MPC1: variants seen among roughly 807,000 people sequenced by gnomAD.
MPC1 encodes the protein HSPC040 protein.
A neutral mutation model predicts 13.9 loss-of-function variants in MPC1; 6 were observed. That is an observed-to-expected ratio of 0.43 (90% CI 0.24 to 0.85). The LOEUF (loss-of-function observed/expected upper bound fraction) is 0.85. MPC1 is among the 40% of genes least tolerant of loss of function. The pLI, the probability that MPC1 is intolerant of heterozygous loss-of-function variation, is 0.24. For synonymous variants in MPC1, 47 were observed against 50.5 expected, an observed-to-expected ratio of 0.93 and a Z score of 0.29; for missense variants, 115 against 143.3, an observed-to-expected ratio of 0.80 and a Z score of 1.01.
chr6:166,380,714 C>A (rs866634921), intron 1 of MPC1, among the ~76,000 whole-genome samples: 2 of 151,942 alleles, frequency 1.3e-5, no homozygotes, highest in African/African-American at 4.8e-5. Flanking sequence ...CCGAGGTGGG[C>A]GGATCACCTG....
chr6:166,381,717 C>T lies in MPC1; in HGVS notation c.71+1089G>A, dbSNP rs373054126. The T allele has an allele frequency of 1.3e-4, 88 of 688,914 alleles. No individual in the cohort carries two copies. In the African/African-American group the frequency reaches 1.6e-3, roughly 12 times the overall value. The allele number at this position is 688,914 out of a possible 1,614,324, so 42.7% of individuals were successfully genotyped here. On this transcript the variant is annotated intron_variant, in intron 1 of 4. Coordinates refer to ENST00000360961, the MANE Select transcript of MPC1 (RefSeq NM_016098.4). ...TTTTCAGGCTTTCCAACCGCGAATG[C>T]TCTTTGTTTCTAACTGGAAAGGAGG...
intron 1 of MPC1, among the ~76,000 whole-genome samples, chr6:166,372,153 G>A (rs112691396): frequency 3.9e-4 from 60 of 152,222 alleles, no homozygotes; most frequent in African/African-American, 6.5e-4. Flanking sequence ...AGTCACCTAC[G>A]GCATTGCTCT....
At position 166,365,563 on chromosome 6, in the gene MPC1, TA is replaced by T. The variant is rs1779118539; in HGVS notation, c.306-111del. 1.2e-6 allele frequency: 1 copy of T among 864,450 alleles called. No homozygotes were observed. The highest frequency in any genetic ancestry group is 3.3e-5 in the Admixed American group (1 of 30,734). 53.5% of individuals were successfully genotyped at this position (864,450 alleles called of 1,614,324 possible). A position where few individuals can be genotyped will look rare whatever the true frequency, so the allele number is the denominator to read the frequency against. ...CCTTTACATAACATTTATTTCAACT[TA>T]CAACTTATAAAAACAATAATATAGG... On this transcript the variant is annotated intron_variant, in intron 4 of 4. Transcript: ENST00000360961. The surrounding 1 kb of genome is among the most constrained non-coding windows in gnomAD (Gnocchi z 4.2).
At chr6:166,370,033 C>T in intron 2 of MPC1, 185 bp downstream of exon 2, 1 of 712,608 alleles carries the variant, frequency 1.4e-6, no homozygotes, top group Non-Finnish European at 2.6e-6. Flanking sequence ...AGGAGCATGG[C>T]TGTCACAGAG....
intron 1 of MPC1, among the ~76,000 whole-genome samples, chr6:166,373,812 T>G (rs1489118576): frequency 2.0e-5 from 3 of 152,258 alleles, no homozygotes; most frequent in Admixed American, 2.0e-4. Context: ...TATCTTGTTT[T>G]AATTTGCATT....
At chr6:166,381,506 C>T (rs1017793346) in intron 1 of MPC1, among the ~76,000 whole-genome samples, 3 of 151,998 alleles carry the variant, frequency 2.0e-5, no homozygotes, top group Non-Finnish European at 4.4e-5. Context: ...ACCTCTTGAC[C>T]ACACTATTAA....
rs3049292 is a variant in MPC1, at chr6:166,378,418, ATG to A, written c.71+4386_71+4387del. Reference sequence around the variant, plus strand: ...ATCCTCTGCACACATATACAAATACATGTGTGTGTGTGTGTGTGTGTGTGTAT... The same window carrying A: ...ATCCTCTGCACACATATACAAATACATGTGTGTGTGTGTGTGTGTGTGTAT... On this transcript the variant is annotated intron_variant, in intron 1 of 4. Coordinates refer to ENST00000360961, the MANE Select transcript of MPC1 (RefSeq NM_016098.4). 6.6e-3 allele frequency among the ~76,000 whole-genome samples: 993 copies of A among 149,940 alleles called. 11 individuals carry two copies. Among genetic ancestry groups the A allele is most frequent in the Middle Eastern group, 0.031 (9 of 288 alleles).
Position 166,369,016 on chromosome 6 carries a change from C to A in MPC1, c.75+1202G>T. Reference sequence around the variant, plus strand: ...CTACCACTGGTTGTGAATGTGTCTTCTTTCATAGGTGGGGCTAAAGCAGAA... The same window carrying A: ...CTACCACTGGTTGTGAATGTGTCTTATTTCATAGGTGGGGCTAAAGCAGAA... On this transcript the variant is annotated intron_variant, in intron 2 of 4. Transcript: ENST00000360961. 4.8e-6 allele frequency: 4 copies of A among 841,884 alleles called. No individual in the cohort carries two copies. In the South Asian group the frequency reaches 2.2e-4, roughly 46 times the overall value. 52.2% of individuals were successfully genotyped at this position (841,884 alleles called of 1,614,324 possible). A position where few individuals can be genotyped will look rare whatever the true frequency, so the allele number is the denominator to read the frequency against.
chr6:166,373,150 C>G (rs534727087), intron 1 of MPC1, among the ~76,000 whole-genome samples: 2 of 152,146 alleles, frequency 1.3e-5, no homozygotes, highest in Non-Finnish European at 2.9e-5. Context: ...TACATTGACA[C>G]AGGATTGTTA....
In MPC1 at chr6:166,368,645, A is replaced by G. The variant is rs147662495; in HGVS notation, c.75+1573T>C. ...TTAACAATGACCCTTAATTTCTTAC[A>G]TTTAGATGCAATATGGCCAGTTTTC... On this transcript the variant is annotated intron_variant, in intron 2 of 4. Coordinates refer to ENST00000360961, the MANE Select transcript of MPC1 (RefSeq NM_016098.4). 3.0e-4 allele frequency: 127 copies of G among 425,210 alleles called. 4 individuals carry two copies. The East Asian group carries it at 0.015, about 49-fold the overall frequency. 26.3% of individuals were successfully genotyped at this position (425,210 alleles called of 1,614,324 possible). A position where few individuals can be genotyped will look rare whatever the true frequency, so the allele number is the denominator to read the frequency against.
chr6:166,367,889 A>C (rs1005447774), intron 2 of MPC1, among the ~76,000 whole-genome samples: 1 of 152,240 alleles, frequency 6.6e-6, no homozygotes, highest in Non-Finnish European at 1.5e-5. Context: ...AGATTCCCTA[A>C]AAAGTGGTAA....
chr6:166,381,709 C>A, intron 1 of MPC1: 2 of 623,374 alleles, frequency 3.2e-6, no homozygotes, highest in Non-Finnish European at 4.0e-6. Context: ...GCTTTCCAAC[C>A]GCGAATGCTC....
chr6:166,382,674 T>C (rs1313231956), intron 1 of MPC1, 132 bp downstream of exon 1: 3 of 912,538 alleles, frequency 3.3e-6, no homozygotes, highest in Non-Finnish European at 3.1e-6. Flanking sequence ...GCGCACCCTC[T>C]CGCCTGGGCC....
intron 3 of MPC1, among the ~76,000 whole-genome samples, chr6:166,366,358 A>T (rs913249926): frequency 1.3e-5 from 2 of 152,236 alleles, no homozygotes; most frequent in Admixed American, 6.5e-5. Flanking sequence ...GAGTAGGCTG[A>T]AATTTGTTCT....
intron 1 of MPC1, among the ~76,000 whole-genome samples, chr6:166,373,171 A>G (rs1779442116): frequency 6.6e-6 from 1 of 152,176 alleles, no homozygotes; most frequent in Admixed American, 6.5e-5. Context: ...CCCAAAGTCC[A>G]TATCTACATT....
Position 166,365,489 on chromosome 6 carries a change from C to A in MPC1, c.306-36G>T. On this transcript the variant is annotated intron_variant, in intron 4 of 4. Coordinates refer to ENST00000360961, the MANE Select transcript of MPC1 (RefSeq NM_016098.4). This position sits in a 1 kb window ranked among gnomAD's most constrained non-coding sequence, Gnocchi z 4.2. The stretch of plus-strand genomic sequence containing the variant: ...ACAAAAAGAAAAATTCAATGAGAAA[C>A]AAAATTTCAATGCCAATCGCAAGGG... 1 of 1,545,406 alleles carries A rather than the reference C, an allele frequency of 6.5e-7. No homozygotes were observed. Among genetic ancestry groups the A allele is most frequent in the Non-Finnish European group, 8.7e-7 (1 of 1,143,258 alleles).
chr6:166,370,541 C>A (rs1779340604), intron 1 of MPC1, among the ~76,000 whole-genome samples: 4 of 152,192 alleles, frequency 2.6e-5, no homozygotes, highest in Admixed American at 2.6e-4. Flanking sequence ...TTTACAACTT[C>A]TAGAAGCCAC....
chr6:166,373,788 T>C (rs534706024), intron 1 of MPC1, among the ~76,000 whole-genome samples: 12 of 152,380 alleles, frequency 7.9e-5, no homozygotes, highest in African/African-American at 2.9e-4. Context: ...GCCTTTCTAA[T>C]AGATGTTTAG....
intron 1 of MPC1, among the ~76,000 whole-genome samples, chr6:166,382,569 C>T (rs1779839541): frequency 6.6e-6 from 1 of 151,368 alleles, no homozygotes; most frequent in South Asian, 2.1e-4. Context: ...ACTGTCACCC[C>T]CGCCCTGAAA....
Sources: allele counts gnomAD v4.1 joint callset (sites outside exome capture counted in the v4.1 genomes callset), GRCh38; gene constraint gnomAD v4.1.1; non-coding constraint Gnocchi (gnomAD v3.1); transcripts MANE v1.5; gene names NCBI Gene and HGNC (gene_info 2026-07-23, HGNC 2026-07-21).